OXNAD1: variants seen among roughly 807,000 people sequenced by gnomAD.
OXNAD1 encodes oxidoreductase NAD-binding domain-containing protein 1.
OXNAD1 carries 34 observed loss-of-function variants against 32.9 expected under a neutral mutation model. The observed-to-expected ratio is 1.03, with a 90% confidence interval of 0.79 to 1.38. OXNAD1 has a LOEUF of 1.38. Among genes scored for constraint, OXNAD1 ranks in the 40% most tolerant of loss-of-function variants. OXNAD1 has a pLI of 0.00. For missense variants in OXNAD1, 407 were observed against 379.4 expected, an observed-to-expected ratio of 1.07 and a Z score of -0.60; for synonymous variants, 134 against 135.2, an observed-to-expected ratio of 0.99 and a Z score of 0.06.
At chr3:16,315,035 T>C (rs970935612) in intron 9 of OXNAD1, 1 of 152,230 alleles carries the variant, frequency 6.6e-6, no homozygotes, top group Non-Finnish European at 1.5e-5. Flanking sequence ...GTGGGGAGTT[T>C]GTCAAGAAGA....
At position 16,289,278 on chromosome 3, in the gene OXNAD1, G is replaced by C. The variant is rs75698523; in HGVS notation, c.290+2830G>C. ...CCTGCACTGAAGCTGTTGATTGGAA[G>C]AGTGGCAGGCCAGGCAGGAGTGGGG... On this transcript the variant is annotated intron_variant, in intron 5 of 8. Coordinates refer to ENST00000285083, the MANE Select transcript of OXNAD1 (RefSeq NM_138381.5). The surrounding 1 kb of genome is among the most constrained non-coding windows in gnomAD (Gnocchi z 4.9). Among the ~76,000 whole-genome samples the C allele has an allele frequency of 5.9e-4, 90 of 152,290 alleles. No individual in the cohort carries two copies. Among genetic ancestry groups the C allele is most frequent in the African/African-American group, 2.1e-3 (88 of 41,552 alleles).
intron 4 of OXNAD1, among the ~76,000 whole-genome samples, chr3:16,279,943 A>C (rs920575671): frequency 3.9e-5 from 6 of 152,042 alleles, no homozygotes; most frequent in African/African-American, 1.4e-4. Flanking sequence ...ATTAAAGGAG[A>C]AGCTTGTTTT....
intron 9 of OXNAD1, among the ~76,000 whole-genome samples, chr3:16,332,742 CTCTA>C (rs1441838209): frequency 2.6e-5 from 4 of 152,154 alleles, no homozygotes; most frequent in African/African-American, 9.7e-5. Context: ...AGTTAGATTC[CTCTA>C]TCTACTTTCC....
chr3:16,268,251 G>A (rs953534387), intron 1 of OXNAD1, among the ~76,000 whole-genome samples: 1 of 149,904 alleles, frequency 6.7e-6, no homozygotes, highest in African/African-American at 2.4e-5. Flanking sequence ...TTTACCAGTA[G>A]GTGGCACTCT....
chr3:16,322,049 C>G lies in OXNAD1; in HGVS notation c.*31-15063C>G, dbSNP rs956952852. Among the ~76,000 whole-genome samples the G allele has an allele frequency of 6.6e-6, 1 of 152,186 alleles. No homozygotes were observed. The highest frequency in any genetic ancestry group is 1.5e-5 in the Non-Finnish European group (1 of 68,048). On this transcript the variant is annotated intron_variant, in intron 9 of 9. Coordinates refer to the OXNAD1 transcript ENST00000435829. The surrounding 1 kb of genome is among the most constrained non-coding windows in gnomAD (Gnocchi z 6.2). ...GTGTCTGTCAGCATCTGACAGGGGC[C>G]CTTTGCGTGCTGTGTGTTGAATGTT...
chr3:16,293,440 A>G (rs1038547324), intron 5 of OXNAD1, among the ~76,000 whole-genome samples: 2 of 152,220 alleles, frequency 1.3e-5, no homozygotes, highest in African/African-American at 4.8e-5. Context: ...AGTATTTTCT[A>G]TATATGACAG....
chr3:16,292,406 T>G (rs1422788125), intron 5 of OXNAD1, among the ~76,000 whole-genome samples: 1 of 152,132 alleles, frequency 6.6e-6, no homozygotes, highest in African/African-American at 2.4e-5. Flanking sequence ...TTGGCCAAGC[T>G]GGTCTCGAAC....
In OXNAD1 at chr3:16,322,671, G is replaced by A. The variant is rs1001379634; in HGVS notation, c.*31-14441G>A. Among the ~76,000 whole-genome samples, 2 of 152,198 alleles carry A rather than the reference G, an allele frequency of 1.3e-5. No individual in the cohort carries two copies. Among genetic ancestry groups the A allele is most frequent in the African/African-American group, 2.4e-5 (1 of 41,448 alleles). On this transcript the variant is annotated intron_variant, in intron 9 of 9. Coordinates refer to the OXNAD1 transcript ENST00000435829. The surrounding 1 kb of genome is among the most constrained non-coding windows in gnomAD (Gnocchi z 6.2). ...GAAGCATCAGAATCATCTGGCACAAGGGTTGCCGACACTTGCACCTCGTAC... is the reference window on the plus strand; with the variant it reads ...GAAGCATCAGAATCATCTGGCACAAAGGTTGCCGACACTTGCACCTCGTAC...
At position 16,270,964 on chromosome 3, in the gene OXNAD1, T is replaced by C. The variant is rs1217293310; in HGVS notation, c.12T>C (p.Ala4=). The part of the protein sequence containing the change: MAC[A]AVMIPGLLRC... ...GCCCAGAAAGCGCCATGGCCTGTGC[T>C]GCTGTTATGATTCCTGGGTTGTTGC... The change falls in exon 3 of 9, where the codon GCT becomes GCC. Residue 4 remains alanine, a synonymous_variant. Transcript: ENST00000285083. 2 of 1,614,092 alleles carry C rather than the reference T, an allele frequency of 1.2e-6. No homozygotes were observed. The highest frequency in any genetic ancestry group is 2.7e-5 in the African/African-American group (2 of 74,930).
At chr3:16,278,283 A>G (rs1053755395) in intron 4 of OXNAD1, among the ~76,000 whole-genome samples, 4 of 152,044 alleles carry the variant, frequency 2.6e-5, no homozygotes, top group African/African-American at 9.7e-5. Context: ...TTCTTTTTCT[A>G]TTGTACTAGT....
rs1357194592 is a variant in OXNAD1 at position 16,317,070 on chromosome 3, G to C, written c.*30+13478G>C. On this transcript the variant is annotated intron_variant, in intron 9 of 9. Coordinates refer to the OXNAD1 transcript ENST00000435829. The surrounding 1 kb of genome is among the most constrained non-coding windows in gnomAD (Gnocchi z 4.3). The stretch of plus-strand genomic sequence containing the variant: ...TCCTCGGAGACTCCACCCTCCTGCT[G>C]CTGTCCTGAAACACAGTTTCCCATG... The C allele has an allele frequency of 8.7e-6, 14 of 1,613,872 alleles. No individual in the cohort carries two copies. Among genetic ancestry groups the C allele is most frequent in the Non-Finnish European group, 1.1e-5 (13 of 1,179,968 alleles).
At position 16,345,148 on chromosome 3, in the gene OXNAD1, G is replaced by A. The variant is rs1400175792; in HGVS notation, c.*31-4028G>A. ...CTTCCCCACCAAAACCTCTAATAAG[G>A]CACACAGCTCTGCTGACATCCCATT... On this transcript the variant is annotated intron_variant, in intron 9 of 9. Coordinates refer to the OXNAD1 transcript ENST00000606098. The surrounding 1 kb of genome is among the most constrained non-coding windows in gnomAD (Gnocchi z 5.2). The A allele has an allele frequency of 6.6e-6, 1 of 152,202 alleles. No individual in the cohort carries two copies. Among genetic ancestry groups the A allele is most frequent in the African/African-American group, 2.4e-5 (1 of 41,424 alleles). 9.4% of individuals were successfully genotyped at this position (152,202 alleles called of 1,614,324 possible). A position where few individuals can be genotyped will look rare whatever the true frequency, so the allele number is the denominator to read the frequency against.
chr3:16,301,888 C>G lies in OXNAD1; in HGVS notation c.675+20C>G. ...TTTAAGGTAAGGGAGGTATAGCTTG[C>G]TGTAAGCAAACTTGTGTAGTGGTAT... On this transcript the variant is annotated intron_variant, in intron 7 of 8. Transcript: ENST00000285083. The surrounding 1 kb of genome is among the most constrained non-coding windows in gnomAD (Gnocchi z 4.1). 6.2e-7 allele frequency: 1 copy of G among 1,608,470 alleles called. No individual in the cohort carries two copies. Among genetic ancestry groups the G allele is most frequent in the Non-Finnish European group, 8.5e-7 (1 of 1,176,250 alleles).
At chr3:16,341,436 A>C (rs1419833082), downstream of OXNAD1, among the ~76,000 whole-genome samples, 4 of 152,224 alleles carry the variant, frequency 2.6e-5, no homozygotes, top group Non-Finnish European at 2.9e-5. This position sits in a 1 kb window ranked among gnomAD's most constrained non-coding sequence, Gnocchi z 4.7. Context: ...GAGAAACTGC[A>C]GTGGAACCAT....
chr3:16,323,032 T>C (rs907529804), intron 9 of OXNAD1, among the ~76,000 whole-genome samples: 7 of 152,166 alleles, frequency 4.6e-5, no homozygotes, highest in Non-Finnish European at 1.0e-4. Flanking sequence ...AAACTGGCCA[T>C]GAGCTCGAGC....
chr3:16,265,247 C>G lies in OXNAD1; in HGVS notation c.-417C>G, dbSNP rs533294740. ...CGCCTGCAACTAAACGTGGCCGGGT[C>G]TGCAAGCTAGGTGCCAGCGGGGAAA... is the stretch of plus-strand genomic sequence containing the variant. On this transcript the variant is annotated 5_prime_UTR_variant, in exon 1 of 9. Transcript: ENST00000285083. The surrounding 1 kb of genome is among the most constrained non-coding windows in gnomAD (Gnocchi z 4.8). The G allele has an allele frequency of 2.2e-4, 54 of 246,618 alleles. No individual in the cohort carries two copies. The highest frequency in any genetic ancestry group is 3.2e-5 in the Non-Finnish European group (4 of 125,536). The allele number at this position is 246,618 out of a possible 1,614,324, so 15.3% of individuals were successfully genotyped here.
Position 16,317,193 on chromosome 3 carries a change from G to A in OXNAD1, c.*30+13601G>A, listed in dbSNP as rs754755787. ...AGTTTACCTTTTGATTTCCTCATCT[G>A]CCTGTTGTGCATTTCTTCTCTGGAG... On this transcript the variant is annotated intron_variant, in intron 9 of 9. Coordinates refer to the OXNAD1 transcript ENST00000435829. The surrounding 1 kb of genome is among the most constrained non-coding windows in gnomAD (Gnocchi z 4.3). 26 of 1,613,120 alleles carry A rather than the reference G, an allele frequency of 1.6e-5. No homozygotes were observed. The highest frequency in any genetic ancestry group is 2.1e-5 in the Non-Finnish European group (25 of 1,179,966).
rs1237175918 is a variant in OXNAD1 at position 16,287,180 on chromosome 3, GGT to G, written c.290+741_290+742del. ...AATTTCCCTAGGAAAGGTGTGTTTG[GGT>G]GTGTGTGTCCTTTATTTTAATAAAG... On this transcript the variant is annotated intron_variant, in intron 5 of 8. Transcript: ENST00000285083. The surrounding 1 kb of genome is among the most constrained non-coding windows in gnomAD (Gnocchi z 4.8). Among the ~76,000 whole-genome samples, 1 of 152,024 alleles carries G rather than the reference GGT, an allele frequency of 6.6e-6. No homozygotes were observed. The highest frequency in any genetic ancestry group is 1.5e-5 in the Non-Finnish European group (1 of 68,004).
rs2068378194 is a variant in OXNAD1, at chr3:16,316,240, TTAC to T, written c.*30+12649_*30+12651del. 1 of 154,118 alleles carries T rather than the reference TTAC, an allele frequency of 6.5e-6. No homozygotes were observed. Among genetic ancestry groups the T allele is most frequent in the Non-Finnish European group, 1.4e-5 (1 of 69,174 alleles). 9.5% of individuals were successfully genotyped at this position (154,118 alleles called of 1,614,324 possible). A position where few individuals can be genotyped will look rare whatever the true frequency, so the allele number is the denominator to read the frequency against. On this transcript the variant is annotated intron_variant, in intron 9 of 9. Coordinates refer to the OXNAD1 transcript ENST00000435829. The surrounding 1 kb of genome is among the most constrained non-coding windows in gnomAD (Gnocchi z 4.5). ...ACAGAATTACTTCTTCATTTCCAGA[TTAC>T]CAGTATCTATAGGACTATTTTGAGA...
Sources: gnomAD v4.1 joint callset for allele counts (sites outside exome capture counted in the v4.1 genomes callset) on GRCh38, gnomAD v4.1.1 for gene constraint, Gnocchi (gnomAD v3.1) non-coding constraint, MANE v1.5 for transcripts, NCBI Gene and HGNC (gene_info 2026-07-23, HGNC 2026-07-21) for gene names.